Variants in PLPPR1 observed in about 807,000 individuals in gnomAD.
PLPPR1 encodes the protein phospholipid phosphatase-related protein type 1.
In PLPPR1, 10 loss-of-function variants were observed where a neutral mutation model predicts 33.1. That is an observed-to-expected ratio of 0.30 (90% CI 0.19 to 0.51). PLPPR1 has a LOEUF of 0.51. PLPPR1 is among the 20% of genes least tolerant of loss of function. The pLI is 0.97. For missense variants in PLPPR1, 304 were observed against 408.1 expected (o/e 0.74, Z 2.20); for synonymous variants, 151 against 151.0 (o/e 1.00, Z 0.00).
intron 2 of PLPPR1, among the ~76,000 whole-genome samples, chr9:101,206,813 G>A (rs1387718715): frequency 6.6e-6 from 1 of 152,002 alleles, no homozygotes; most frequent in Non-Finnish European, 1.5e-5. Flanking sequence ...CTGCTTCAAG[G>A]ACCAAGCTGC....
intron 1 of PLPPR1, among the ~76,000 whole-genome samples, chr9:101,101,882 T>C (rs1472930878): frequency 6.6e-6 from 1 of 152,136 alleles, no homozygotes; most frequent in Non-Finnish European, 1.5e-5. Flanking sequence ...GTTTAAACTT[T>C]TTCCTTTAAA....
At chr9:101,245,829 G>C (rs1431058101) in intron 2 of PLPPR1, among the ~76,000 whole-genome samples, 2 of 151,502 alleles carry the variant, frequency 1.3e-5, no homozygotes, top group Non-Finnish European at 2.9e-5. Context: ...CTGTAAGTCA[G>C]GGAACTTCTC....
At chr9:101,145,507 G>A (rs1359955804) in intron 1 of PLPPR1, among the ~76,000 whole-genome samples, 3 of 151,840 alleles carry the variant, frequency 2.0e-5, no homozygotes, top group Non-Finnish European at 4.4e-5. Context: ...TCCTCCTCCT[G>A]AGTAGCTGGG....
chr9:101,173,350 T>G (rs558822906), intron 1 of PLPPR1, among the ~76,000 whole-genome samples: 42 of 152,296 alleles, frequency 2.8e-4, no homozygotes, highest in African/African-American at 1.0e-3. Context: ...TTTTACATAT[T>G]TTTCATTTGG....
intron 5 of PLPPR1, 65 bp from the exon 6 acceptor site, chr9:101,312,733 C>T (rs1454177375): frequency 6.5e-6 from 9 of 1,391,126 alleles, no homozygotes; most frequent in Non-Finnish European, 9.0e-6. Context: ...TACCTGCTTG[C>T]TTGCATGTGT....
At chr9:101,086,405 G>C (rs576609798) in intron 1 of PLPPR1, among the ~76,000 whole-genome samples, 54 of 152,310 alleles carry the variant, frequency 3.5e-4, no homozygotes, top group Middle Eastern at 3.4e-3. Flanking sequence ...GTTGTCCTAT[G>C]ATGGGTCAAA....
intron 4 of PLPPR1, among the ~76,000 whole-genome samples, chr9:101,301,899 A>T (rs573259963): frequency 1.2e-4 from 18 of 152,340 alleles, no homozygotes; most frequent in African/African-American, 4.3e-4. Context: ...TTCATGAGGG[A>T]CATGTTATAA....
At chr9:101,253,313 C>T (rs573827229) in intron 2 of PLPPR1, among the ~76,000 whole-genome samples, 6 of 151,858 alleles carry the variant, frequency 4.0e-5, no homozygotes, top group Admixed American at 2.6e-4. Context: ...TTTGGGAGGC[C>T]GAGGCAGGCG....
At chr9:101,086,733 A>G (rs1588022243) in intron 1 of PLPPR1, among the ~76,000 whole-genome samples, 1 of 152,212 alleles carries the variant, frequency 6.6e-6, no homozygotes, top group East Asian at 1.9e-4. Flanking sequence ...AAATCTGTAT[A>G]GTAGGCCAAT....
intron 2 of PLPPR1, among the ~76,000 whole-genome samples, chr9:101,214,508 A>T (rs1588075622): frequency 6.6e-6 from 1 of 152,224 alleles, no homozygotes; most frequent in Non-Finnish European, 1.5e-5. Flanking sequence ...AAAAATCTGG[A>T]GCTTAAATTT....
chr9:101,312,849 G>A lies in PLPPR1; in HGVS notation c.688G>A (p.Val230Met). 6.2e-7 allele frequency: 1 copy of A among 1,614,114 alleles called. No homozygotes were observed. Among genetic ancestry groups the A allele is most frequent in the Non-Finnish European group, 8.5e-7 (1 of 1,180,022 alleles). ...KTKSSRLAKP[V>M]LCLGTLCTAF... ...GAAGAGCAGTCGACTGGCCAAGCCG[G>A]TGCTGTGCCTCGGAACTCTCTGCAC... The change falls in exon 6 of 8, where the codon GTG (valine) becomes ATG (methionine). Residue 230 changes from valine (V) to methionine (M), a missense_variant. Physicochemically the swap from Val to Met is conservative, Grantham distance 21. Transcript: ENST00000374874.
intron 1 of PLPPR1, among the ~76,000 whole-genome samples, chr9:101,153,751 ATTT>A (rs3983751): frequency 6.9e-6 from 1 of 144,146 alleles, no homozygotes; most frequent in African/African-American, 2.5e-5. Context: ...TTTTTTTTGT[ATTT>A]TTTTTTTTTT....
intron 1 of PLPPR1, among the ~76,000 whole-genome samples, chr9:101,149,352 C>T (rs1342318232): frequency 2.6e-5 from 4 of 152,224 alleles, no homozygotes; most frequent in African/African-American, 9.6e-5. Flanking sequence ...AATCCCTAAC[C>T]TTACAATCAT....
At chr9:101,263,005 T>G (rs655897) in intron 2 of PLPPR1, among the ~76,000 whole-genome samples, 152,136 of 152,204 alleles carry the variant, frequency 1, 76,034 homozygotes, top group Middle Eastern at 1. Flanking sequence ...GGCCTGTCAG[T>G]GGGTAGGGGC....
At position 101,322,287 on chromosome 9, in the gene PLPPR1, T is replaced by G. The variant is rs1250401942; in HGVS notation, c.946-1738T>G. 4.7e-5 allele frequency among the ~76,000 whole-genome samples: 7 copies of G among 150,100 alleles called. No homozygotes were observed. In the South Asian group the frequency reaches 1.5e-3, roughly 32 times the overall value. Reference sequence around the variant, plus strand: ...ATCAAAGCCACAGTTTGTTAAAGATTTAATAATTTCATAGACCCAAAGCAT... The same window carrying G: ...ATCAAAGCCACAGTTTGTTAAAGATGTAATAATTTCATAGACCCAAAGCAT... On this transcript the variant is annotated intron_variant, in intron 7 of 7. Coordinates refer to ENST00000374874, the MANE Select transcript of PLPPR1 (RefSeq NM_207299.2).
At chr9:101,096,318 T>A (rs1269758679) in intron 1 of PLPPR1, among the ~76,000 whole-genome samples, 1 of 152,198 alleles carries the variant, frequency 6.6e-6, no homozygotes, top group Non-Finnish European at 1.5e-5. Flanking sequence ...GAACAGTAGC[T>A]ACTCCTTGAT....
chr9:101,088,200 G>A (rs1830701374), intron 1 of PLPPR1, among the ~76,000 whole-genome samples: 1 of 152,076 alleles, frequency 6.6e-6, no homozygotes, highest in Non-Finnish European at 1.5e-5. Context: ...AAACGGTGCA[G>A]GTATGTCCAG....
intron 2 of PLPPR1, among the ~76,000 whole-genome samples, chr9:101,188,476 T>C (rs1242004583): frequency 2.0e-5 from 3 of 152,124 alleles, no homozygotes; most frequent in Admixed American, 6.6e-5. Context: ...CTTTTCCAAT[T>C]GTCATGTTTT....
chr9:101,248,069 A>T (rs1439617424), intron 2 of PLPPR1, among the ~76,000 whole-genome samples: 1 of 152,056 alleles, frequency 6.6e-6, no homozygotes, highest in Non-Finnish European at 1.5e-5. Context: ...GTAGAGGGTG[A>T]GGTATAAGGT....
Sources: gnomAD v4.1 joint callset for allele counts (sites outside exome capture counted in the v4.1 genomes callset) on GRCh38, gnomAD v4.1.1 for gene constraint, MANE v1.5 for transcripts, NCBI Gene and HGNC (gene_info 2026-07-23, HGNC 2026-07-21) for gene names.